Variants in DOCK3 observed in about 807,000 individuals in gnomAD.
The protein encoded by DOCK3 is dedicator of cytokinesis 3.
DOCK3 carries 60 observed loss-of-function variants against 265.6 expected under a neutral mutation model. That is an observed-to-expected ratio of 0.23 (90% CI 0.18 to 0.28). The LOEUF (loss-of-function observed/expected upper bound fraction) is 0.28. DOCK3 is among the 10% of genes least tolerant of loss of function. DOCK3 has a pLI of 1.00. For synonymous variants in DOCK3, 881 were observed against 938.0 expected (o/e 0.94, Z 1.11); for missense variants, 1,981 against 2,594.3 (o/e 0.76, Z 5.14).
At chr3:50,982,970 C>T (rs2077749788) in intron 5 of DOCK3, among the ~76,000 whole-genome samples, 1 of 152,212 alleles carries the variant, frequency 6.6e-6, no homozygotes, top group Admixed American at 6.5e-5. Flanking sequence ...CATTCCCCAA[C>T]AGGTTCAAGG....
At chr3:51,055,973 G>A (rs2081187766) in intron 5 of DOCK3, among the ~76,000 whole-genome samples, 1 of 152,208 alleles carries the variant, frequency 6.6e-6, no homozygotes, top group Admixed American at 6.5e-5. Context: ...TGGCCCTTGA[G>A]ATGTGGAGGA....
At chr3:51,178,781 G>A (rs1371046586) in intron 12 of DOCK3, among the ~76,000 whole-genome samples, 3 of 152,192 alleles carry the variant, frequency 2.0e-5, no homozygotes, top group Non-Finnish European at 4.4e-5. Context: ...AAAGACAAAA[G>A]TATAGTAAAA....
Position 51,338,355 on chromosome 3 carries a change from C to T in DOCK3, c.3612-4C>T. On this transcript the variant is annotated splice_polypyrimidine_tract_variant and splice_region_variant and intron_variant, in intron 35 of 52. Coordinates refer to ENST00000266037, the MANE Select transcript of DOCK3 (RefSeq NM_004947.5). ...CTGGTGCTCATCTGTGCTCTCTCTT[C>T]CAGGGACTGCATGAAAGGAGAGGAA... 2 of 1,551,514 alleles carry T rather than the reference C, an allele frequency of 1.3e-6. No homozygotes were observed. Among genetic ancestry groups the T allele is most frequent in the Non-Finnish European group, 1.7e-6 (2 of 1,146,952 alleles).
At chr3:50,681,479 G>A (rs2034407498) in intron 1 of DOCK3, among the ~76,000 whole-genome samples, 1 of 152,114 alleles carries the variant, frequency 6.6e-6, no homozygotes, top group Admixed American at 6.5e-5. Context: ...TTATTGTAAT[G>A]AACAAGCCAA....
intron 2 of DOCK3, among the ~76,000 whole-genome samples, chr3:50,795,475 G>A (rs2042721360): frequency 6.6e-6 from 1 of 151,994 alleles, no homozygotes; most frequent in Non-Finnish European, 1.5e-5. Flanking sequence ...TCTGCCTCCC[G>A]GGTTCAAGTG....
intron 1 of DOCK3, among the ~76,000 whole-genome samples, chr3:50,753,464 T>A (rs1403061072): frequency 6.6e-6 from 1 of 152,164 alleles, no homozygotes; most frequent in Non-Finnish European, 1.5e-5. Flanking sequence ...CACCTCAGCC[T>A]CCCAAGTTGG....
intron 49 of DOCK3, among the ~76,000 whole-genome samples, chr3:51,369,005 C>G (rs1419596556): frequency 6.6e-6 from 1 of 152,246 alleles, no homozygotes; most frequent in Non-Finnish European, 1.5e-5. Flanking sequence ...AACTAACAAA[C>G]AGAAAGGACA....
At chr3:50,837,296 A>G (rs1369633440) in intron 2 of DOCK3, among the ~76,000 whole-genome samples, 1 of 152,238 alleles carries the variant, frequency 6.6e-6, no homozygotes, top group African/African-American at 2.4e-5. Context: ...TGCTATGAAG[A>G]AATACCCAAG....
intron 2 of DOCK3, among the ~76,000 whole-genome samples, chr3:50,793,512 A>C (rs2042604784): frequency 6.6e-6 from 1 of 151,370 alleles, no homozygotes; most frequent in African/African-American, 2.4e-5. Context: ...ATGTGCCACC[A>C]CACCCAGCTA....
chr3:50,961,303 C>CT (rs2076879538), intron 5 of DOCK3, among the ~76,000 whole-genome samples: 1 of 152,036 alleles, frequency 6.6e-6, no homozygotes, highest in Admixed American at 6.5e-5. Context: ...TGATGTTACA[C>CT]TGAGTAATAT....
At chr3:50,976,371 T>C (rs1354664252) in intron 5 of DOCK3, among the ~76,000 whole-genome samples, 1 of 136,922 alleles carries the variant, frequency 7.3e-6, no homozygotes, top group African/African-American at 2.7e-5. Flanking sequence ...TCAAAGGACA[T>C]CTTTATTTCT....
In DOCK3 at chr3:51,333,162, C is replaced by T; in HGVS notation, c.3520C>T (p.Leu1174=). ...TQLFGPYPSL[L]EKVEQETWRE... ...TCTCCACCCCTCCACCAATAGCCTG[C>T]TGGAGAAGGTTGAACAAGAAACATG... is the stretch of plus-strand genomic sequence containing the variant. Residue 1174 remains leucine, a synonymous_variant, in exon 35 of 53, where the codon CTG becomes TTG. Transcript: ENST00000266037. The T allele has an allele frequency of 1.2e-6, 2 of 1,613,992 alleles. No individual in the cohort carries two copies. Among genetic ancestry groups the T allele is most frequent in the Non-Finnish European group, 1.7e-6 (2 of 1,179,888 alleles).
chr3:51,107,239 A>G (rs1011666090), intron 9 of DOCK3, among the ~76,000 whole-genome samples: 2 of 152,228 alleles, frequency 1.3e-5, no homozygotes, highest in African/African-American at 4.8e-5. Flanking sequence ...TTGAAGGAAT[A>G]TTAGCCCACA....
chr3:51,324,798 C>G (rs1025549575), intron 32 of DOCK3, among the ~76,000 whole-genome samples: 10 of 152,080 alleles, frequency 6.6e-5, no homozygotes, highest in African/African-American at 2.4e-4. Context: ...ACAAACCTGA[C>G]AAAAACAAGC....
At chr3:51,114,896 G>A (rs542771345) in intron 9 of DOCK3, among the ~76,000 whole-genome samples, 75 of 151,320 alleles carry the variant, frequency 5.0e-4, no homozygotes, top group Non-Finnish European at 1.6e-4. Context: ...GAGTGAGAAC[G>A]TGCGGTGTTT....
chr3:50,886,074 A>G (rs1403858589), intron 3 of DOCK3, among the ~76,000 whole-genome samples: 2 of 151,892 alleles, frequency 1.3e-5, no homozygotes, highest in Non-Finnish European at 2.9e-5. Flanking sequence ...AGCCTGATAC[A>G]TATGGCAAAA....
chr3:50,877,024 T>C (rs2047736305), intron 3 of DOCK3: 1 of 162,874 alleles, frequency 6.1e-6, no homozygotes, highest in African/African-American at 2.4e-5. Context: ...CAATTCTTCT[T>C]TGAGTGTGGT....
intron 2 of DOCK3, among the ~76,000 whole-genome samples, chr3:50,800,769 A>G (rs2043027747): frequency 6.6e-6 from 1 of 151,560 alleles, no homozygotes; most frequent in South Asian, 2.1e-4. Flanking sequence ...GTTATATGAA[A>G]TCTTTCTAGT....
intron 17 of DOCK3, 36 bp from the exon 18 acceptor site, chr3:51,228,625 C>G (rs747977401): frequency 6.3e-7 from 1 of 1,597,874 alleles, no homozygotes; most frequent in Non-Finnish European, 8.5e-7. Context: ...TGTTGCATGG[C>G]TCAGGGGACA....
Sources: gnomAD v4.1 joint callset for allele counts (sites outside exome capture counted in the v4.1 genomes callset) on GRCh38, gnomAD v4.1.1 for gene constraint, MANE v1.5 for transcripts, NCBI Gene and HGNC (gene_info 2026-07-23, HGNC 2026-07-21) for gene names.